The following SLC22A23 variants were observed in gnomAD, a reference collection of about 807,000 sequenced individuals.
SLC22A23 encodes ion transporter protein.
A neutral mutation model predicts 61.0 loss-of-function variants in SLC22A23; 26 were observed. That is an observed-to-expected ratio of 0.43 (90% CI 0.31 to 0.59). The LOEUF is 0.59. Among genes scored for constraint, SLC22A23 ranks in the 20% least tolerant of loss-of-function variants. The pLI, the probability that SLC22A23 is intolerant of heterozygous loss-of-function variation, is 0.11. For missense variants in SLC22A23, 796 were observed against 934.7 expected (o/e 0.85, Z 1.94); for synonymous variants, 430 against 413.9 (o/e 1.04, Z -0.47).
intron 9 of SLC22A23, among the ~76,000 whole-genome samples, chr6:3,278,444 A>T (rs1759113005): frequency 6.6e-6 from 1 of 152,202 alleles, no homozygotes; most frequent in African/African-American, 2.4e-5. Flanking sequence ...AGGGTCCCAG[A>T]CCACCGTTCA....
chr6:3,352,216 C>T (rs1453950116), intron 3 of SLC22A23, among the ~76,000 whole-genome samples: 5 of 152,104 alleles, frequency 3.3e-5, no homozygotes, highest in Non-Finnish European at 5.9e-5. Context: ...GTGAAAACCA[C>T]GTACACGGAC....
chr6:3,423,620 A>G (rs185533270), intron 1 of SLC22A23, among the ~76,000 whole-genome samples: 27 of 152,306 alleles, frequency 1.8e-4, no homozygotes, highest in African/African-American at 6.0e-4. Context: ...GGGAGGGAGG[A>G]AGGAAGGAAC....
At chr6:3,362,188 G>A (rs1362747109) in intron 3 of SLC22A23, among the ~76,000 whole-genome samples, 1 of 151,740 alleles carries the variant, frequency 6.6e-6, no homozygotes, top group African/African-American at 2.4e-5. Context: ...TGGATTGCCT[G>A]AGCTCAGGAG....
At chr6:3,298,575 A>C (rs1284116738) in intron 4 of SLC22A23, among the ~76,000 whole-genome samples, 2 of 152,196 alleles carry the variant, frequency 1.3e-5, no homozygotes, top group Admixed American at 6.5e-5. Flanking sequence ...TGAAGGATAC[A>C]AAATTATAGC....
At chr6:3,311,410 A>C (rs1053121950) in intron 4 of SLC22A23, among the ~76,000 whole-genome samples, 2 of 152,222 alleles carry the variant, frequency 1.3e-5, no homozygotes, top group African/African-American at 4.8e-5. Flanking sequence ...GATTCTAAAA[A>C]AATAATAAAG....
rs4128536 is a variant in SLC22A23 at position 3,328,219 on chromosome 6, C to G, written c.914-4217G>C. On this transcript the variant is annotated intron_variant, in intron 3 of 9. Transcript: ENST00000406686. This position sits in a 1 kb window ranked among gnomAD's most constrained non-coding sequence, Gnocchi z 5.0. ...TGAGGGTTGTGAGAATGAAACAGTA[C>G]GTAGCTGAGACTGAACTGAGGCATT... Among the ~76,000 whole-genome samples the G allele has an allele frequency of 3.0e-4, 45 of 151,424 alleles. No homozygotes were observed. Among genetic ancestry groups the G allele is most frequent in the Non-Finnish European group, 4.7e-4 (32 of 67,940 alleles).
intron 3 of SLC22A23, among the ~76,000 whole-genome samples, chr6:3,364,679 TC>T (rs1220223163): frequency 2.0e-5 from 3 of 152,146 alleles, no homozygotes; most frequent in Non-Finnish European, 4.4e-5. Flanking sequence ...AGCAGTTCGC[TC>T]CCAGCTGAGG....
intron 4 of SLC22A23, among the ~76,000 whole-genome samples, chr6:3,301,285 AT>A (rs1761585474): frequency 1.3e-5 from 2 of 152,098 alleles, no homozygotes; most frequent in Admixed American, 6.5e-5. Context: ...ATTATTATTA[AT>A]TTTCTCATAA....
chr6:3,371,966 A>G (rs1766246703), intron 3 of SLC22A23, among the ~76,000 whole-genome samples: 1 of 152,108 alleles, frequency 6.6e-6, no homozygotes, highest in African/African-American at 2.4e-5. Context: ...GTTTTGGAGG[A>G]TGCATCTTAG....
At chr6:3,398,117 T>C (rs531935971) in intron 3 of SLC22A23, among the ~76,000 whole-genome samples, 1 of 152,302 alleles carries the variant, frequency 6.6e-6, no homozygotes. Flanking sequence ...CCTTGCACAC[T>C]TAGCAATGCC....
At chr6:3,445,594 C>G (rs9328175) in intron 1 of SLC22A23, among the ~76,000 whole-genome samples, 2 of 151,994 alleles carry the variant, frequency 1.3e-5, no homozygotes, top group African/African-American at 2.4e-5. Context: ...GGGAGAGAGA[C>G]GGGCATCCTT....
chr6:3,450,382 C>T (rs1772105011), intron 1 of SLC22A23, among the ~76,000 whole-genome samples: 1 of 152,210 alleles, frequency 6.6e-6, no homozygotes, highest in Non-Finnish European at 1.5e-5. Context: ...TCTCGGCTCA[C>T]CGCAACCTCC....
chr6:3,429,123 G>A (rs1027330074), intron 1 of SLC22A23, among the ~76,000 whole-genome samples: 1 of 152,106 alleles, frequency 6.6e-6, no homozygotes, highest in Non-Finnish European at 1.5e-5. Flanking sequence ...ATTATAACAC[G>A]TGGAAATTCT....
intron 9 of SLC22A23, among the ~76,000 whole-genome samples, chr6:3,280,522 G>C (rs1205433925): frequency 4.1e-5 from 4 of 97,726 alleles, no homozygotes; most frequent in East Asian, 5.8e-4. Flanking sequence ...TTGAGATGGA[G>C]TCTCGCTCTG....
chr6:3,402,123 C>T (rs1007711948), intron 3 of SLC22A23, among the ~76,000 whole-genome samples: 14 of 152,176 alleles, frequency 9.2e-5, no homozygotes, highest in African/African-American at 2.9e-4. Flanking sequence ...GTCATTGAGG[C>T]TGTGATTCTG....
intron 3 of SLC22A23, among the ~76,000 whole-genome samples, chr6:3,347,382 G>A (rs1347212577): frequency 1.3e-5 from 2 of 152,142 alleles, no homozygotes; most frequent in Non-Finnish European, 2.9e-5. Context: ...GTGAGTGTTG[G>A]CGGCTGACCT....
intron 4 of SLC22A23, among the ~76,000 whole-genome samples, chr6:3,305,664 G>A (rs1761923463): frequency 6.6e-6 from 1 of 152,178 alleles, no homozygotes. Flanking sequence ...GACTTGGGAG[G>A]AATAGAGCTG....
intron 3 of SLC22A23, among the ~76,000 whole-genome samples, chr6:3,365,164 CA>C (rs1056849299): frequency 3.9e-5 from 6 of 152,026 alleles, no homozygotes; most frequent in African/African-American, 1.4e-4. Context: ...ACTAAAAATA[CA>C]AAAAAATTTA....
At chr6:3,405,473 T>C (rs904391208) in intron 3 of SLC22A23, among the ~76,000 whole-genome samples, 3 of 152,050 alleles carry the variant, frequency 2.0e-5, no homozygotes, top group East Asian at 1.9e-4. Context: ...TGCGAAACTT[T>C]CCCTTCACCC....
Sources: gnomAD v4.1 joint callset for allele counts (sites outside exome capture counted in the v4.1 genomes callset) on GRCh38, gnomAD v4.1.1 for gene constraint, Gnocchi (gnomAD v3.1) non-coding constraint, MANE v1.5 for transcripts, NCBI Gene and HGNC (gene_info 2026-07-23, HGNC 2026-07-21) for gene names.